The following TTLL3 variants were observed in gnomAD, a reference collection of about 807,000 sequenced individuals.
The protein encoded by TTLL3 is tubulin tyrosine ligase like 3.
Under a neutral mutation model 75.2 loss-of-function variants are expected in TTLL3, and 63 were observed. The ratio of observed to expected loss-of-function variants is 0.84; its 90% confidence interval spans 0.68 to 1.03. The LOEUF is 1.03. TTLL3 is among the 50% of genes least tolerant of loss of function. TTLL3 has a pLI of 0.00. For missense variants in TTLL3, 997 were observed against 1,069.9 expected, an observed-to-expected ratio of 0.93 and a Z score of 0.95; for synonymous variants, 393 against 418.5, an observed-to-expected ratio of 0.94 and a Z score of 0.74.
At chr3:9,816,752 T>G (rs1403475671) in intron 5 of TTLL3, among the ~76,000 whole-genome samples, 1 of 152,024 alleles carries the variant, frequency 6.6e-6, no homozygotes, top group East Asian at 1.9e-4. Flanking sequence ...CTGCTTCAGC[T>G]TCCCAAAGTG....
chr3:9,820,370 G>T, intron 7 of TTLL3, 176 bp from the exon 8 acceptor site: 4 of 1,474,374 alleles, frequency 2.7e-6, no homozygotes, highest in Non-Finnish European at 3.6e-6. Context: ...TGCTAGAGTT[G>T]CAGTGAATTT....
At chr3:9,835,036 G>A (rs561763986) in intron 13 of TTLL3, 58 bp from the exon 14 acceptor site, 4 of 1,589,024 alleles carry the variant, frequency 2.5e-6, no homozygotes, top group African/African-American at 2.7e-5. Context: ...TCCCTCAGAA[G>A]CCCCTTCCTC....
At chr3:9,834,429 G>T in intron 12 of TTLL3, 1 of 685,094 alleles carries the variant, frequency 1.5e-6, no homozygotes, top group Admixed American at 2.0e-5. Flanking sequence ...TTTTCCAGCC[G>T]AGGTATCAGG....
chr3:9,833,254 T>G lies in TTLL3; in HGVS notation c.1825+9T>G. The G allele has an allele frequency of 6.2e-7, 1 of 1,613,480 alleles. No homozygotes were observed. Among genetic ancestry groups the G allele is most frequent in the Non-Finnish European group, 8.5e-7 (1 of 1,179,848 alleles). ...GCGAGGCTCTGGGGAAGGCAAGGAC[T>G]CGGGGACCCCTACCCACAGGTCAGC... On this transcript the variant is annotated intron_variant, in intron 12 of 13. Coordinates refer to ENST00000685419, the MANE Select transcript of TTLL3 (RefSeq NM_001387446.1).
At chr3:9,828,182 G>A (rs2081231862) in intron 10 of TTLL3, 1 of 151,940 alleles carries the variant, frequency 6.6e-6, no homozygotes, top group Admixed American at 6.6e-5. Context: ...TGTCGTTGGG[G>A]GAAAAAGGGA....
At chr3:9,826,811 T>A (rs2081089772) in intron 9 of TTLL3, among the ~76,000 whole-genome samples, 186 bp from the exon 10 acceptor site, 1 of 152,030 alleles carries the variant, frequency 6.6e-6, no homozygotes, top group Non-Finnish European at 1.5e-5. Context: ...AACTGGTTAA[T>A]TAGGAAAAAT....
chr3:9,818,952 C>T (rs923206133), intron 7 of TTLL3, 32 bp downstream of exon 7: 14 of 1,613,608 alleles, frequency 8.7e-6, no homozygotes, highest in Non-Finnish European at 7.6e-6. Flanking sequence ...ACTCTCCCAC[C>T]CATTTATCCT....
intron 8 of TTLL3, among the ~76,000 whole-genome samples, chr3:9,824,726 T>C (rs1273561847): frequency 7.0e-6 from 1 of 142,424 alleles, no homozygotes; most frequent in East Asian, 2.1e-4. Flanking sequence ...CTTTTTCTTT[T>C]CTTTTCTTTT....
At chr3:9,831,091 G>A (rs765825165) in intron 11 of TTLL3, among the ~76,000 whole-genome samples, 1 of 152,138 alleles carries the variant, frequency 6.6e-6, no homozygotes, top group Non-Finnish European at 1.5e-5. Context: ...ATGAGCCACC[G>A]CGCCAAGCCC....
rs2081983693 is a variant in TTLL3, at chr3:9,835,662, G to T, written c.*173G>T. 3.1e-6 allele frequency: 2 copies of T among 650,860 alleles called. No individual in the cohort carries two copies. The highest frequency in any genetic ancestry group is 5.0e-6 in the Non-Finnish European group (2 of 401,582). 40.3% of individuals were successfully genotyped at this position (650,860 alleles called of 1,614,324 possible). On this transcript the variant is annotated 3_prime_UTR_variant, in exon 14 of 14. Transcript: ENST00000685419. ...GAAAGAGGAGGCATGGCTTACCCAA[G>T]ATCACGTGGCAGTGAGTCGACGCAG... is the stretch of plus-strand genomic sequence containing the variant.
Position 9,825,884 on chromosome 3 carries a change from G to T in TTLL3, c.939G>T (p.Gln313His), listed in dbSNP as rs762921205. 1.2e-6 allele frequency: 2 copies of T among 1,614,176 alleles called. No individual in the cohort carries two copies. Among genetic ancestry groups the T allele is most frequent in the Non-Finnish European group, 1.7e-6 (2 of 1,180,024 alleles). ...ILQQLQAVVP[Q>H]IDMEGDRNIW... Reference sequence around the variant, plus strand: ...AGCAGCTGCAGGCCGTGGTACCCCAGATAGACATGGAAGGGGATCGCAACA... The same window carrying T: ...AGCAGCTGCAGGCCGTGGTACCCCATATAGACATGGAAGGGGATCGCAACA... The change falls in exon 9 of 14, where the codon CAG becomes CAT. Residue 313 changes from glutamine to histidine, a missense_variant. Transcript: ENST00000685419.
At chr3:9,830,927 T>C (rs997848166) in intron 11 of TTLL3, among the ~76,000 whole-genome samples, 2 of 152,090 alleles carry the variant, frequency 1.3e-5, no homozygotes, top group Middle Eastern at 3.2e-3. Context: ...CTCCGCCCCC[T>C]GAGTAGCTGG....
chr3:9,819,463 C>G (rs1034577693), intron 7 of TTLL3: 3 of 989,672 alleles, frequency 3.0e-6, no homozygotes, highest in Non-Finnish European at 2.4e-6. Context: ...CTGGAGAGGG[C>G]AGACTAAGAA....
chr3:9,812,919 A>G, intron 2 of TTLL3, 24 bp from the exon 3 acceptor site: 2 of 1,479,298 alleles, frequency 1.4e-6, no homozygotes, highest in Non-Finnish European at 1.8e-6. Flanking sequence ...CTTATTGAAG[A>G]AGTATCCTTC....
In TTLL3 at chr3:9,813,082, C is replaced by T. The variant is rs750584350; in HGVS notation, c.188C>T (p.Ala63Val). 13 of 1,580,766 alleles carry T rather than the reference C, an allele frequency of 8.2e-6. 1 individual carries two copies. The East Asian group carries it at 1.6e-4, about 19-fold the overall frequency. ...CCCCAGAAGGATCTGGATAGCTCAG[C>T]GATGGGTGACAGTGACACCACTGAG... ...LPPQKDLDSS[A>V]MGDSDTTEDE... Residue 63 changes from alanine to valine, a missense_variant, in exon 3 of 14, where the codon GCG becomes GTG. Ala to Val is a moderately conservative substitution (Grantham distance 64). Coordinates refer to ENST00000685419, the MANE Select transcript of TTLL3 (RefSeq NM_001387446.1).
At chr3:9,823,418 T>TC (rs1309125588) in intron 8 of TTLL3, among the ~76,000 whole-genome samples, 1 of 151,354 alleles carries the variant, frequency 6.6e-6, no homozygotes, top group Non-Finnish European at 1.5e-5. Flanking sequence ...TTTTTTTTTT[T>TC]TTTTTAAATC....
At chr3:9,831,939 G>A (rs564920065) in intron 11 of TTLL3, among the ~76,000 whole-genome samples, 5 of 151,022 alleles carry the variant, frequency 3.3e-5, no homozygotes, top group Admixed American at 2.0e-4. Context: ...GATTACAGGC[G>A]CCCACCATGG....
rs1191470483 is a variant in TTLL3 at position 9,835,319 on chromosome 3, GA to G, written c.2279del (p.Asp760ValfsTer2). 19 of 1,614,066 alleles carry G rather than the reference GA, an allele frequency of 1.2e-5. No individual in the cohort carries two copies. The highest frequency in any genetic ancestry group is 1.6e-5 in the Non-Finnish European group (19 of 1,180,030). ...GTFQRRRGLG[D>X]MKLGKPLLRF... ...ATTCCAGAGGCGCAGGGGCCTGGGG[GA>G]TATGAAGCTAGGGAAGCCCCTGCTT... On this transcript the variant is annotated frameshift_variant, in exon 14 of 14. Transcript: ENST00000685419. LOFTEE classifies it low-confidence loss of function (END_TRUNC).
chr3:9,812,895 G>T lies in TTLL3; in HGVS notation c.49-48G>T, dbSNP rs781377224. ...TTCACCTTTATATCCCCTATGTCTG[G>T]CACTTATGCAATACTTATTGAAGAA... On this transcript the variant is annotated intron_variant, in intron 2 of 13. Transcript: ENST00000685419. The T allele has an allele frequency of 9.0e-6, 13 of 1,442,108 alleles. No homozygotes were observed. The South Asian group carries it at 2.1e-4, about 24-fold the overall frequency. The allele number at this position is 1,442,108 out of a possible 1,614,324, so 89.3% of individuals were successfully genotyped here.
Sources: gnomAD v4.1 joint callset for allele counts (sites outside exome capture counted in the v4.1 genomes callset) on GRCh38, gnomAD v4.1.1 for gene constraint, MANE v1.5 for transcripts, NCBI Gene and HGNC (gene_info 2026-07-23, HGNC 2026-07-21) for gene names.